Variants in RYR2 observed in about 807,000 individuals in gnomAD.
RYR2 encodes the protein cardiac muscle ryanodine receptor-calcium release channel.
A neutral mutation model predicts 601.1 loss-of-function variants in RYR2; 227 were observed. That is an observed-to-expected ratio of 0.38 (90% CI 0.34 to 0.42). RYR2 has a LOEUF of 0.42. Ranked by LOEUF, RYR2 falls within the 10% of genes least tolerant of loss-of-function variation. The probability of loss-of-function intolerance (pLI) is 1.00; values close to 1 mark genes in which losing one functional copy is unlikely to be tolerated. For missense variants in RYR2, 4,646 were observed against 6,156.5 expected (o/e 0.75, Z 8.21); for synonymous variants, 2,223 against 2,175.1 (o/e 1.02, Z -0.61).
At chr1:237,451,893 T>C (rs973899999) in intron 14 of RYR2, among the ~76,000 whole-genome samples, 20 of 151,860 alleles carry the variant, frequency 1.3e-4, no homozygotes, top group Admixed American at 4.6e-4. Flanking sequence ...AGTTAATCAT[T>C]TGTGTTTTTC....
intron 25 of RYR2, among the ~76,000 whole-genome samples, chr1:237,547,609 T>C (rs1669961549): frequency 6.6e-6 from 1 of 152,160 alleles, no homozygotes; most frequent in South Asian, 2.1e-4. Flanking sequence ...AAAATAGGCT[T>C]TGTGCCAATC....
intron 10 of RYR2, among the ~76,000 whole-genome samples, chr1:237,391,748 G>C (rs531014891): frequency 6.6e-6 from 1 of 152,234 alleles, no homozygotes; most frequent in East Asian, 1.9e-4. Flanking sequence ...AGATATGTAT[G>C]TGTATGTGGT....
intron 1 of RYR2, among the ~76,000 whole-genome samples, chr1:237,152,214 A>G (rs987323906): frequency 6.6e-6 from 1 of 152,162 alleles, no homozygotes; most frequent in African/African-American, 2.4e-5. Flanking sequence ...ATAGTATTCC[A>G]TGGTGTATAT....
At chr1:237,632,361 T>C (rs1280898690) in intron 42 of RYR2, among the ~76,000 whole-genome samples, 1 of 151,934 alleles carries the variant, frequency 6.6e-6, no homozygotes. Flanking sequence ...CTCTTGGATG[T>C]ATTTGTTGTA....
chr1:237,639,181 T>G lies in RYR2; in HGVS notation c.7095T>G (p.Asn2365Lys), dbSNP rs759514803. 2.5e-6 allele frequency: 4 copies of G among 1,613,356 alleles called. No individual in the cohort carries two copies. The East Asian group carries it at 6.7e-5, about 27-fold the overall frequency. ...CTTCCCGAGATGGTCCCTCACCAAA[T>G]AGCGGATCCAGTAAAACACTGTAGG... The part of the protein sequence containing the change: ...EDPSRDGPSP[N>K]SGSSKTLDTE... Residue 2365 changes from asparagine (N) to lysine (K), a missense_variant, in exon 46 of 105, where the codon AAT becomes AAG. Physicochemically the swap from Asn to Lys is moderately conservative, Grantham distance 94. Transcript: ENST00000366574.
At chr1:237,294,607 A>G (rs1692569458) in intron 2 of RYR2, among the ~76,000 whole-genome samples, 1 of 152,204 alleles carries the variant, frequency 6.6e-6, no homozygotes, top group African/African-American at 2.4e-5. Context: ...ATTTTATTTG[A>G]TTAATCAGAT....
intron 17 of RYR2, among the ~76,000 whole-genome samples, chr1:237,489,801 AAATT>A (rs1229776493): frequency 1.3e-4 from 20 of 152,238 alleles, no homozygotes; most frequent in African/African-American, 4.1e-4. Flanking sequence ...ATCTGAAAGA[AAATT>A]AATTGTTTTA....
At chr1:237,507,715 C>A (rs946996352) in intron 23 of RYR2, among the ~76,000 whole-genome samples, 6 of 152,172 alleles carry the variant, frequency 3.9e-5, no homozygotes, top group Admixed American at 3.9e-4. Flanking sequence ...TTCAGTTGTA[C>A]TGGTGATGAC....
rs989808340 is a variant in RYR2, at chr1:237,396,913, G to GA, written c.773+8737dup. On this transcript the variant is annotated intron_variant, in intron 10 of 104. Coordinates refer to ENST00000366574, the MANE Select transcript of RYR2 (RefSeq NM_001035.3). ...AAAAGTTTTAAGGGAAAAAAAATCA[G>GA]AAAAAAATCTTTGGGATCATAGAGT... Among the ~76,000 whole-genome samples, 3 of 151,984 alleles carry GA rather than the reference G, an allele frequency of 2.0e-5. No homozygotes were observed. In the East Asian group the frequency reaches 5.8e-4, roughly 29 times the overall value.
chr1:237,388,275 G>C, intron 10 of RYR2, 92 bp downstream of exon 10: 3 of 1,018,256 alleles, frequency 2.9e-6, no homozygotes, highest in Non-Finnish European at 4.5e-6. Flanking sequence ...CAGGCCAGTA[G>C]CATCATACAA....
intron 1 of RYR2, among the ~76,000 whole-genome samples, chr1:237,259,006 G>A (rs1688261726): frequency 6.6e-6 from 1 of 151,948 alleles, no homozygotes; most frequent in Non-Finnish European, 1.5e-5. Flanking sequence ...TGGAAATAAA[G>A]TGAGGGCTCT....
chr1:237,403,085 A>G (rs919892302), intron 10 of RYR2, among the ~76,000 whole-genome samples: 2 of 152,192 alleles, frequency 1.3e-5, no homozygotes, highest in African/African-American at 4.8e-5. Flanking sequence ...GGAGGGAGAC[A>G]AAGAGAACTC....
intron 82 of RYR2, among the ~76,000 whole-genome samples, chr1:237,758,783 T>C (rs1275621076): frequency 6.6e-6 from 1 of 152,214 alleles, no homozygotes; most frequent in Admixed American, 6.5e-5. Context: ...TCTATCATCT[T>C]GTATGTGCTT....
At chr1:237,441,582 A>T in intron 13 of RYR2, 99 bp downstream of exon 13, 1 of 1,173,048 alleles carries the variant, frequency 8.5e-7, no homozygotes, top group Non-Finnish European at 1.2e-6. Flanking sequence ...GTCACCTGCA[A>T]AAGTTCATAA....
At chr1:237,171,282 C>G (rs183790586) in intron 1 of RYR2, among the ~76,000 whole-genome samples, 2 of 151,688 alleles carry the variant, frequency 1.3e-5, no homozygotes, top group African/African-American at 4.8e-5. Flanking sequence ...ATTTAAAGTA[C>G]TCTGCTTTAA....
chr1:237,687,850 G>A (rs1686570343), intron 63 of RYR2, among the ~76,000 whole-genome samples: 1 of 152,168 alleles, frequency 6.6e-6, no homozygotes, highest in Non-Finnish European at 1.5e-5. Context: ...ACCTCTGACA[G>A]ATTAAATAAT....
intron 14 of RYR2, among the ~76,000 whole-genome samples, chr1:237,446,346 T>A (rs879551676): frequency 1.3e-4 from 20 of 152,176 alleles, no homozygotes; most frequent in Non-Finnish European, 2.4e-4. Flanking sequence ...TGGGGGAAAC[T>A]TTTTGTTGAC....
In RYR2 at chr1:237,639,236, A is replaced by G. The variant is rs1181427684; in HGVS notation, c.7115+35A>G. Reference sequence around the variant, plus strand: ...ATATACACACCCTCACGAGTGATCCATACTACTTGATGTGAAATTTTATAA... The same window carrying G: ...ATATACACACCCTCACGAGTGATCCGTACTACTTGATGTGAAATTTTATAA... On this transcript the variant is annotated intron_variant, in intron 46 of 104. Coordinates refer to ENST00000366574, the MANE Select transcript of RYR2 (RefSeq NM_001035.3). 11 of 1,528,734 alleles carry G rather than the reference A, an allele frequency of 7.2e-6. No individual in the cohort carries two copies. In the South Asian group the frequency reaches 7.7e-5, roughly 11 times the overall value. The allele number at this position is 1,528,734 out of a possible 1,614,324, so 94.7% of individuals were successfully genotyped here.
intron 19 of RYR2, among the ~76,000 whole-genome samples, chr1:237,495,145 G>T (rs2255277): frequency 0.58 from 87,479 of 151,934 alleles, 25,735 homozygotes; most frequent in African/African-American, 0.7. Flanking sequence ...ATTCACTCTA[G>T]GGCAAAGACT....
Sources: gnomAD v4.1 joint callset for allele counts (sites outside exome capture counted in the v4.1 genomes callset) on GRCh38, gnomAD v4.1.1 for gene constraint, MANE v1.5 for transcripts, NCBI Gene and HGNC (gene_info 2026-07-23, HGNC 2026-07-21) for gene names.